ADGRV1: variants seen among roughly 807,000 people sequenced by gnomAD.
ADGRV1 encodes G-protein coupled receptor 98.
In ADGRV1, 359 loss-of-function variants were observed where a neutral mutation model predicts 596.2. The observed-to-expected ratio is 0.60, with a 90% CI of 0.55 to 0.66. ADGRV1 has a LOEUF of 0.66. Ranked by LOEUF, ADGRV1 falls within the 30% of genes least tolerant of loss-of-function variation. ADGRV1 has a pLI of 0.00. For synonymous variants in ADGRV1, 2,681 were observed against 2,679.2 expected, an observed-to-expected ratio of 1.00 and a Z score of -0.02; for missense variants, 7,274 against 7,575.6, an observed-to-expected ratio of 0.96 and a Z score of 1.48.
intron 1 of ADGRV1, among the ~76,000 whole-genome samples, chr5:90,580,880 C>G (rs1757938901): frequency 6.6e-6 from 1 of 151,980 alleles, no homozygotes; most frequent in Non-Finnish European, 1.5e-5. Flanking sequence ...CTGTCACTTT[C>G]AGGCACACCA....
intron 86 of ADGRV1, among the ~76,000 whole-genome samples, chr5:91,090,404 C>G (rs1235816623): frequency 6.6e-6 from 1 of 151,956 alleles, no homozygotes; most frequent in Non-Finnish European, 1.5e-5. Context: ...TAATTCTAGG[C>G]TTGTACCATT....
intron 86 of ADGRV1, among the ~76,000 whole-genome samples, chr5:91,084,565 A>T (rs533980589): frequency 1.3e-5 from 2 of 152,226 alleles, no homozygotes; most frequent in African/African-American, 4.8e-5. Flanking sequence ...CGATCATTAA[A>T]AAGTCAGGAA....
chr5:90,790,632 G>A (rs1285012929), intron 69 of ADGRV1, among the ~76,000 whole-genome samples: 1 of 152,070 alleles, frequency 6.6e-6, no homozygotes, highest in East Asian at 1.9e-4. Context: ...TTCAAATTGT[G>A]CTGTTATTTT....
Position 90,614,811 on chromosome 5 carries a change from A to G in ADGRV1, c.23-24A>G, listed in dbSNP as rs368993518. The G allele has an allele frequency of 4.0e-5, 60 of 1,503,618 alleles. No homozygotes were observed. The East Asian group carries it at 1.1e-3, about 27-fold the overall frequency. 93.1% of individuals were successfully genotyped at this position (1,503,618 alleles called of 1,614,324 possible). A position where few individuals can be genotyped will look rare whatever the true frequency, so the allele number is the denominator to read the frequency against. ...AATAGATTAGATATATTTTGTGAAT[A>G]ATATTTTTTTCTTTTTGTTTTAGGG... On this transcript the variant is annotated intron_variant, in intron 1 of 89. Transcript: ENST00000405460.
chr5:90,971,297 C>T (rs13353995), intron 84 of ADGRV1, among the ~76,000 whole-genome samples: 1 of 152,228 alleles, frequency 6.6e-6, no homozygotes, highest in East Asian at 1.9e-4. Context: ...TCCAGGAGGA[C>T]TTCCCCAACT....
At chr5:90,799,661 C>T (rs912351836) in intron 70 of ADGRV1, among the ~76,000 whole-genome samples, 5 of 152,208 alleles carry the variant, frequency 3.3e-5, no homozygotes, top group Admixed American at 1.3e-4. Flanking sequence ...AGGCATCACA[C>T]TACCTGACTT....
At chr5:90,674,990 G>T (rs925844233) in intron 23 of ADGRV1, among the ~76,000 whole-genome samples, 7 of 152,168 alleles carry the variant, frequency 4.6e-5, no homozygotes, top group African/African-American at 1.7e-4. Context: ...TATTGATGCT[G>T]CTGTGGGAAG....
chr5:90,635,917 T>G (rs1580536552), intron 10 of ADGRV1, among the ~76,000 whole-genome samples: 1 of 146,674 alleles, frequency 6.8e-6, no homozygotes, highest in Non-Finnish European at 1.5e-5. Flanking sequence ...TTTTTTTTTT[T>G]CTTAATGGCC....
intron 77 of ADGRV1, among the ~76,000 whole-genome samples, chr5:90,839,908 A>C (rs1030887283): frequency 6.6e-6 from 1 of 152,202 alleles, no homozygotes; most frequent in South Asian, 2.1e-4. Flanking sequence ...TATCCATTGT[A>C]TGTCACTTGG....
chr5:90,730,000 G>A (rs1402755490), intron 50 of ADGRV1, among the ~76,000 whole-genome samples: 1 of 152,044 alleles, frequency 6.6e-6, no homozygotes, highest in Non-Finnish European at 1.5e-5. Flanking sequence ...CCAGTAGCTG[G>A]GACTACAGGC....
At chr5:90,625,010 G>C (rs1024201236) in intron 5 of ADGRV1, 120 bp from the exon 6 acceptor site, 3 of 647,716 alleles carry the variant, frequency 4.6e-6, no homozygotes, top group Non-Finnish European at 5.7e-6. Context: ...GTATGGGTTA[G>C]TGTAATTCTT....
chr5:90,652,531 A>C lies in ADGRV1; in HGVS notation c.3602A>C (p.Glu1201Ala). ...AFPDKIPEFN[E>A]FYFLKLVNIS... ...CCAGATAAAATTCCTGAATTCAATGAATTTTATTTCCTAAAACTTGTAAAC... is the reference window on the plus strand; with the variant it reads ...CCAGATAAAATTCCTGAATTCAATGCATTTTATTTCCTAAAACTTGTAAAC... Residue 1201 changes from glutamate to alanine, a missense_variant, in exon 19 of 90, where the codon GAA becomes GCA. Physicochemically the swap from Glu to Ala is moderately radical, Grantham distance 107. This residue lies in a region of ADGRV1 where 1,715 missense variants were observed against 1,708.8 expected (regional missense o/e 1.00). Transcript: ENST00000405460. The C allele has an allele frequency of 6.2e-7, 1 of 1,611,500 alleles. No homozygotes were observed. Among genetic ancestry groups the C allele is most frequent in the Non-Finnish European group, 8.5e-7 (1 of 1,178,304 alleles).
chr5:91,097,474 CT>C (rs1790974733), intron 86 of ADGRV1, among the ~76,000 whole-genome samples: 1 of 152,210 alleles, frequency 6.6e-6, no homozygotes, highest in Non-Finnish European at 1.5e-5. Context: ...ATCTATTCAT[CT>C]GTTGATGGAC....
At chr5:91,096,880 G>A (rs1035895669) in intron 86 of ADGRV1, among the ~76,000 whole-genome samples, 11 of 152,002 alleles carry the variant, frequency 7.2e-5, no homozygotes, top group African/African-American at 2.7e-4. Flanking sequence ...TCACTATTCT[G>A]CACTCCTCCC....
chr5:91,048,768 C>T (rs1020731465), intron 85 of ADGRV1, among the ~76,000 whole-genome samples: 11 of 152,126 alleles, frequency 7.2e-5, no homozygotes, highest in African/African-American at 2.7e-4. Context: ...ACTTCGATAC[C>T]TGATGCCTTA....
intron 1 of ADGRV1, among the ~76,000 whole-genome samples, chr5:90,569,067 G>A (rs1199079766): frequency 6.6e-6 from 1 of 152,042 alleles, no homozygotes; most frequent in Non-Finnish European, 1.5e-5. Context: ...ATTCCAGGAT[G>A]GAAAGTTAGA....
At chr5:91,038,044 A>G (rs566645494) in intron 85 of ADGRV1, among the ~76,000 whole-genome samples, 28 of 152,220 alleles carry the variant, frequency 1.8e-4, no homozygotes, top group Admixed American at 8.5e-4. Flanking sequence ...ATATCTCATT[A>G]TATGTATGCA....
chr5:90,803,956 T>A (rs1255668430), intron 71 of ADGRV1, among the ~76,000 whole-genome samples: 1 of 152,034 alleles, frequency 6.6e-6, no homozygotes, highest in African/African-American at 2.4e-5. Flanking sequence ...TACATTCACA[T>A]CTTTGGTGTA....
intron 47 of ADGRV1, 29 bp from the exon 48 acceptor site, chr5:90,725,520 A>C (rs767994040): frequency 1.7e-6 from 2 of 1,178,470 alleles, no homozygotes; most frequent in East Asian, 4.7e-5. Flanking sequence ...ACTCTCCTTT[A>C]AGTTTTCATT....
Sources: allele counts gnomAD v4.1 joint callset (sites outside exome capture counted in the v4.1 genomes callset), GRCh38; gene constraint gnomAD v4.1.1; regional missense constraint gnomAD v4.1.1; transcripts MANE v1.5; gene names NCBI Gene and HGNC (gene_info 2026-07-23, HGNC 2026-07-21).